Variants in ATP8A2 observed in about 807,000 individuals in gnomAD.
The protein encoded by ATP8A2 is phospholipid-transporting ATPase IB.
Under a neutral mutation model 165.6 loss-of-function variants are expected in ATP8A2, and 100 were observed. The ratio of observed to expected loss-of-function variants is 0.60; its 90% CI spans 0.51 to 0.71. The LOEUF (loss-of-function observed/expected upper bound fraction) is 0.71, where lower values mean the gene tolerates loss of function less well. Among genes scored for constraint, ATP8A2 ranks in the 30% least tolerant of loss-of-function variants. The pLI, the probability that ATP8A2 is intolerant of heterozygous loss-of-function variation, is 0.00. For synonymous variants in ATP8A2, 543 were observed against 548.8 expected (o/e 0.99, Z 0.15); for missense variants, 1,227 against 1,479.5 (o/e 0.83, Z 2.80).
At chr13:25,512,612 A>C in intron 2 of ATP8A2, among the ~76,000 whole-genome samples, 1 of 142,116 alleles carries the variant, frequency 7.0e-6, no homozygotes, top group African/African-American at 2.7e-5. Context: ...CACCTCCCGG[A>C]CGGGGAGGCT....
intron 27 of ATP8A2, among the ~76,000 whole-genome samples, chr13:25,801,403 C>A (rs573435231): frequency 1.4e-4 from 21 of 152,160 alleles, no homozygotes; most frequent in Admixed American, 2.0e-4. Context: ...GGTTCTGGCC[C>A]GCTGGCCAAA....
chr13:25,665,551 C>T (rs2042135857), intron 24 of ATP8A2, among the ~76,000 whole-genome samples: 2 of 134,330 alleles, frequency 1.5e-5, no homozygotes, highest in South Asian at 4.5e-4. Flanking sequence ...GTCTGCTTAG[C>T]AATATGTGTG....
intron 24 of ATP8A2, among the ~76,000 whole-genome samples, chr13:25,647,537 T>A (rs2041704244): frequency 6.6e-6 from 1 of 152,194 alleles, no homozygotes; most frequent in Non-Finnish European, 1.5e-5. Context: ...TCTTTGTCTT[T>A]GATTTAGATA....
intron 35 of ATP8A2, among the ~76,000 whole-genome samples, chr13:25,971,703 C>T (rs7320435): frequency 0.085 from 12,906 of 152,000 alleles, 730 homozygotes; most frequent in African/African-American, 0.16. Flanking sequence ...CACAAAGTGG[C>T]CACAGAGAGA....
At chr13:25,396,731 C>T (rs540274172) in intron 1 of ATP8A2, among the ~76,000 whole-genome samples, 32 of 152,240 alleles carry the variant, frequency 2.1e-4, no homozygotes, top group East Asian at 1.4e-3. Context: ...TAGTTGTGGG[C>T]GAGCGCCTGC....
intron 1 of ATP8A2, among the ~76,000 whole-genome samples, chr13:25,425,597 T>C (rs2034425621): frequency 2.0e-5 from 3 of 147,866 alleles, no homozygotes; most frequent in Admixed American, 6.8e-5. Flanking sequence ...TTTTTTGAGA[T>C]GGAGTCTTGC....
chr13:25,984,589 C>T (rs1349088917), intron 35 of ATP8A2, among the ~76,000 whole-genome samples: 1 of 87,624 alleles, frequency 1.1e-5, no homozygotes, highest in African/African-American at 4.2e-5. Context: ...CAGAGTGAGA[C>T]TTTGTCTCAA....
At chr13:25,996,935 C>T (rs552705417) in intron 35 of ATP8A2, among the ~76,000 whole-genome samples, 35 of 152,282 alleles carry the variant, frequency 2.3e-4, no homozygotes, top group South Asian at 8.3e-4. Flanking sequence ...CCTCCCACCT[C>T]GGCCTCCCAA....
chr13:25,633,469 G>A (rs907419561), intron 24 of ATP8A2, among the ~76,000 whole-genome samples: 4 of 152,144 alleles, frequency 2.6e-5, no homozygotes, highest in Non-Finnish European at 4.4e-5. Flanking sequence ...GGGAATACGA[G>A]CGAGATCACC....
chr13:25,971,994 G>A (rs1157275590), intron 35 of ATP8A2, among the ~76,000 whole-genome samples: 1 of 152,070 alleles, frequency 6.6e-6, no homozygotes, highest in Non-Finnish European at 1.5e-5. Context: ...GCCCCTTAAA[G>A]GACATTCTGC....
intron 23 of ATP8A2, 78 bp downstream of exon 23, chr13:25,582,035 G>A: frequency 7.4e-7 from 1 of 1,354,688 alleles, no homozygotes; most frequent in African/African-American, 1.5e-5. Context: ...GTGTCTAAAT[G>A]TTTCTCAAAT....
At chr13:25,892,314 G>A (rs540843154) in intron 33 of ATP8A2, among the ~76,000 whole-genome samples, 8 of 152,158 alleles carry the variant, frequency 5.3e-5, no homozygotes, top group African/African-American at 1.9e-4. Context: ...TGTCAGCTTG[G>A]GTTCTTACTG....
chr13:25,695,882 A>G (rs1448994827), intron 24 of ATP8A2, among the ~76,000 whole-genome samples: 2 of 152,188 alleles, frequency 1.3e-5, no homozygotes, highest in African/African-American at 4.8e-5. Context: ...ACCTCCTCCC[A>G]TGAATCATAG....
At chr13:25,531,219 G>T (rs1165569510) in intron 4 of ATP8A2, among the ~76,000 whole-genome samples, 2 of 116,874 alleles carry the variant, frequency 1.7e-5, no homozygotes, top group Non-Finnish European at 3.4e-5. Flanking sequence ...TGTTATATAT[G>T]ATATATGTTA....
rs201198660 is a variant in ATP8A2, at chr13:25,533,330, A to G, written c.507+17A>G. 254 of 1,405,310 alleles carry G rather than the reference A, an allele frequency of 1.8e-4. No individual in the cohort carries two copies. The African/African-American group carries it at 3.1e-3, about 17-fold the overall frequency. 87.1% of individuals were successfully genotyped at this position (1,405,310 alleles called of 1,614,324 possible). A position where few individuals can be genotyped will look rare whatever the true frequency, so the allele number is the denominator to read the frequency against. ...TGGAAAGAGGTAAAAACTAATTTTA[A>G]AGATGTACCAGTACTATTGGTTTGA... On this transcript the variant is annotated intron_variant, in intron 6 of 36. Coordinates refer to ENST00000381655, the MANE Select transcript of ATP8A2 (RefSeq NM_016529.6).
chr13:25,651,917 A>G (rs1566015768), intron 24 of ATP8A2, among the ~76,000 whole-genome samples: 1 of 152,128 alleles, frequency 6.6e-6, no homozygotes. Flanking sequence ...TTTTGTACTT[A>G]GAATCATCCT....
At chr13:25,908,405 G>C (rs2138982017) in intron 33 of ATP8A2, among the ~76,000 whole-genome samples, 1 of 152,358 alleles carries the variant, frequency 6.6e-6, no homozygotes, top group South Asian at 2.1e-4. Flanking sequence ...CAGTTAGACT[G>C]ATCTTGGATA....
At chr13:25,873,501 T>G (rs1160333212) in intron 33 of ATP8A2, among the ~76,000 whole-genome samples, 1 of 152,210 alleles carries the variant, frequency 6.6e-6, no homozygotes, top group Non-Finnish European at 1.5e-5. Context: ...ATTATGTAAG[T>G]GACAATTTCT....
intron 33 of ATP8A2, among the ~76,000 whole-genome samples, chr13:25,925,730 CTTT>C (rs11299784): frequency 7.3e-5 from 10 of 137,196 alleles, no homozygotes; most frequent in Admixed American, 1.5e-4. Flanking sequence ...AGTTGTCAAT[CTTT>C]TTTTTTTTTT....
Sources: gnomAD v4.1 joint callset for allele counts (sites outside exome capture counted in the v4.1 genomes callset) on GRCh38, gnomAD v4.1.1 for gene constraint, MANE v1.5 for transcripts, NCBI Gene and HGNC (gene_info 2026-07-23, HGNC 2026-07-21) for gene names.